The following ADGRE2 variants were observed in gnomAD, a reference collection of about 807,000 sequenced individuals.
ADGRE2 encodes CD97 antigen.
In ADGRE2, 83 loss-of-function variants were observed where a neutral mutation model predicts 100.8. The observed-to-expected ratio is 0.82, with a 90% CI of 0.69 to 0.99. ADGRE2 has a LOEUF of 0.99. Ranked by LOEUF, ADGRE2 falls within the 50% of genes least tolerant of loss-of-function variation. ADGRE2 has a pLI of 0.00. For missense variants in ADGRE2, 814 were observed against 1,035.7 expected, an observed-to-expected ratio of 0.79 and a Z score of 2.94; for synonymous variants, 355 against 413.0, an observed-to-expected ratio of 0.86 and a Z score of 1.70.
At chr19:14,762,067 G>A (rs1452959596) in intron 11 of ADGRE2, among the ~76,000 whole-genome samples, 2 of 152,094 alleles carry the variant, frequency 1.3e-5, no homozygotes, top group African/African-American at 4.8e-5. Context: ...TATTACCCCA[G>A]AAAACAACAC....
At chr19:14,762,949 C>T (rs2043782435) in intron 11 of ADGRE2, among the ~76,000 whole-genome samples, 1 of 152,142 alleles carries the variant, frequency 6.6e-6, no homozygotes. Flanking sequence ...TACAGGCACG[C>T]CCCACGTGAA....
At chr19:14,755,284 A>C (rs1050852187) in intron 13 of ADGRE2, among the ~76,000 whole-genome samples, 157 bp from the exon 14 acceptor site, 30 of 93,212 alleles carry the variant, frequency 3.2e-4, no homozygotes, top group South Asian at 5.0e-4. Flanking sequence ...AAAAAAAAAA[A>C]AAAAAAAAAA....
chr19:14,774,806 T>G (rs1375320590), intron 2 of ADGRE2, among the ~76,000 whole-genome samples: 3 of 149,772 alleles, frequency 2.0e-5, no homozygotes, highest in South Asian at 2.1e-4. Flanking sequence ...CCCAAATAGC[T>G]GGGACTACAG....
At chr19:14,731,327 C>A (rs1242917877), downstream of ADGRE2, 2 of 809,650 alleles carry the variant, frequency 2.5e-6, no homozygotes, top group African/African-American at 1.7e-5. Context: ...TGGCCTTGGA[C>A]TTTCAAACTT....
intron 11 of ADGRE2, among the ~76,000 whole-genome samples, chr19:14,757,118 G>C (rs2043527112): frequency 1.3e-5 from 2 of 151,800 alleles, no homozygotes; most frequent in South Asian, 4.2e-4. Flanking sequence ...TCCAAGGCTG[G>C]GCTTGAACTC....
At chr19:14,774,434 A>G in intron 2 of ADGRE2, 128 bp from the exon 3 acceptor site, 2 of 1,502,034 alleles carry the variant, frequency 1.3e-6, no homozygotes, top group Non-Finnish European at 1.8e-6. Flanking sequence ...TCGTTCAAAC[A>G]GAGTGAGCAG....
Position 14,755,758 on chromosome 19 carries a change from G to T in ADGRE2, c.1312C>A (p.Gln438Lys), listed in dbSNP as rs747186548. ...LLHETHQGLL[Q>K]DGSPILLSDV... ...GAGAGCAGGATGGGGGAGCCGTCCT[G>T]CAGCAAGCCCTGGTGTGTCTCATGC... is the stretch of plus-strand genomic sequence containing the variant. The change falls in exon 13 of 21, where the codon CAG becomes AAG. Residue 438 changes from glutamine (Q) to lysine (K), a missense_variant. Physicochemically the swap from Gln to Lys is moderately conservative, Grantham distance 53. Coordinates refer to ENST00000315576, the MANE Select transcript of ADGRE2 (RefSeq NM_013447.4). The T allele has an allele frequency of 4.0e-5, 64 of 1,614,088 alleles. No homozygotes were observed. The highest frequency in any genetic ancestry group is 5.4e-5 in the Non-Finnish European group (64 of 1,180,038).
chr19:14,764,378 G>A (rs2043869360), intron 11 of ADGRE2, 55 bp downstream of exon 11: 2 of 1,566,136 alleles, frequency 1.3e-6, no homozygotes, highest in Non-Finnish European at 1.8e-6. Flanking sequence ...GACTGGGAAA[G>A]GAAGGAGACA....
chr19:14,737,257 T>C (rs2042785347), intron 20 of ADGRE2, among the ~76,000 whole-genome samples: 1 of 151,854 alleles, frequency 6.6e-6, no homozygotes, highest in Non-Finnish European at 1.5e-5. Context: ...GCACCATCTC[T>C]GCTCACTGCA....
the ADGRE2 span, among the ~76,000 whole-genome samples, chr19:14,724,981 A>G: frequency 9.2e-5 from 14 of 152,320 alleles, no homozygotes; most frequent in Middle Eastern, 3.4e-3. Flanking sequence ...CTAAAAAGGA[A>G]TACCTGAGAC....
chr19:14,775,855 C>T (rs141988576), intron 2 of ADGRE2, among the ~76,000 whole-genome samples: 2,756 of 74,290 alleles, frequency 0.037, 36 homozygotes, highest in East Asian at 0.084. Context: ...CAAGGCTCCG[C>T]CTCAGAAAAA....
Position 14,777,559 on chromosome 19 carries a change from T to C in ADGRE2, c.-171-632A>G, listed in dbSNP as rs577556309. Among the ~76,000 whole-genome samples the C allele has an allele frequency of 5.3e-5, 8 of 152,244 alleles. No homozygotes were observed. In the East Asian group the frequency reaches 1.2e-3, roughly 22 times the overall value. Reference sequence around the variant, plus strand: ...GTGCACAACGAGCAGGTTTGATACATAGGCATACATGTGCCATGTTGGCTT... The same window carrying C: ...GTGCACAACGAGCAGGTTTGATACACAGGCATACATGTGCCATGTTGGCTT... On this transcript the variant is annotated intron_variant, in intron 1 of 20. Coordinates refer to ENST00000315576, the MANE Select transcript of ADGRE2 (RefSeq NM_013447.4).
At position 14,746,375 on chromosome 19, in the gene ADGRE2, C is replaced by CTTTT. The variant is rs34368264; in HGVS notation, c.2092-56_2092-53dup. The CTTTT allele has an allele frequency of 0.012, 9,493 of 777,050 alleles. 870 individuals carry two copies. In the African/African-American group the frequency reaches 0.17, roughly 14 times the overall value. The allele number at this position is 777,050 out of a possible 1,614,324, so 48.1% of individuals were successfully genotyped here. On this transcript the variant is annotated intron_variant, in intron 17 of 20. Transcript: ENST00000315576. Reference sequence around the variant, plus strand: ...GAATAGATTTTGAAACCTGTTATCTCTTTTTTTTTTTTTTTCAGACAGGGT... The same window carrying CTTTT: ...GAATAGATTTTGAAACCTGTTATCTCTTTTTTTTTTTTTTTTTTTCAGACAGGGT...
downstream of ADGRE2, among the ~76,000 whole-genome samples, chr19:14,728,826 T>A (rs1255448682): frequency 6.6e-6 from 1 of 152,196 alleles, no homozygotes; most frequent in Admixed American, 6.5e-5. Context: ...CCCACGTCAA[T>A]CAAGATCCAA....
At chr19:14,737,405 G>A (rs1466052190) in intron 20 of ADGRE2, among the ~76,000 whole-genome samples, 1 of 151,874 alleles carries the variant, frequency 6.6e-6, no homozygotes, top group Non-Finnish European at 1.5e-5. Context: ...TATAGCCCAA[G>A]CTGCTGTTGA....
Position 14,764,736 on chromosome 19 carries a change from C to T in ADGRE2, c.907-126G>A, listed in dbSNP as rs111884384. On this transcript the variant is annotated intron_variant, in intron 10 of 20. Coordinates refer to ENST00000315576, the MANE Select transcript of ADGRE2 (RefSeq NM_013447.4). ...ATCTGGGGGATGAAGATGGCATTGGCGGCTGGGCGCGGTGGCTCACGCCTC... is the reference window on the plus strand; with the variant it reads ...ATCTGGGGGATGAAGATGGCATTGGTGGCTGGGCGCGGTGGCTCACGCCTC... 3,569 of 1,021,952 alleles carry T rather than the reference C, an allele frequency of 3.5e-3. 62 individuals carry two copies. The African/African-American group carries it at 0.044, about 13-fold the overall frequency. 63.3% of individuals were successfully genotyped at this position (1,021,952 alleles called of 1,614,324 possible). A position where few individuals can be genotyped will look rare whatever the true frequency, so the allele number is the denominator to read the frequency against.
chr19:14,747,714 A>G (rs2043134260), intron 16 of ADGRE2, among the ~76,000 whole-genome samples: 2 of 151,322 alleles, frequency 1.3e-5, no homozygotes, highest in Admixed American at 1.3e-4. Context: ...AGGCTGAGGC[A>G]TGAGAATTGC....
chr19:14,769,520 C>T (rs371146671), intron 5 of ADGRE2, among the ~76,000 whole-genome samples: 1 of 152,128 alleles, frequency 6.6e-6, no homozygotes, highest in Non-Finnish European at 1.5e-5. Flanking sequence ...GAGCCCTTCC[C>T]TGAGCTGAGG....
In ADGRE2 at chr19:14,772,464, G is replaced by C. The variant is rs139470594; in HGVS notation, c.233C>G (p.Ser78Ter). ...CCAGCAGTCCGAGAATTTTCCGCAT[G>C]ACACTTTCGACAGTGTTGCACACTC... ...INECATLSKV[S>*]CGKFSDCWNT... is the part of the protein sequence containing the mutation. The change falls in exon 5 of 21, where the codon TCA becomes TGA. Residue 78 changes from serine to a stop codon, truncating the protein, a stop_gained. Transcript: ENST00000315576. LOFTEE classifies it high-confidence loss of function. The C allele has an allele frequency of 3.4e-5, 55 of 1,614,020 alleles. No homozygotes were observed. Among genetic ancestry groups the C allele is most frequent in the Non-Finnish European group, 4.2e-5 (49 of 1,180,012 alleles).
Sources: gnomAD v4.1 joint callset for allele counts (sites outside exome capture counted in the v4.1 genomes callset) on GRCh38, gnomAD v4.1.1 for gene constraint, MANE v1.5 for transcripts, NCBI Gene and HGNC (gene_info 2026-07-23, HGNC 2026-07-21) for gene names.